Variants in HDAC4 observed in about 807,000 individuals in gnomAD.
The protein encoded by HDAC4 is histone deacetylase 4, also known as histone deacetylase A.
In HDAC4, 16 loss-of-function variants were observed where a neutral mutation model predicts 135.1. The ratio of observed to expected loss-of-function variants is 0.12; its 90% confidence interval spans 0.08 to 0.18. HDAC4 has a LOEUF of 0.18. HDAC4 is among the 10% of genes least tolerant of loss of function. The pLI is 1.00. For synonymous variants in HDAC4, 685 were observed against 653.4 expected (o/e 1.05, Z -0.74); for missense variants, 1,143 against 1,511.8 (o/e 0.76, Z 4.05).
rs557763275 is a variant in HDAC4 at position 239,388,697 on chromosome 2, C to T, written c.-220+12281G>A. ...CCCCTTGGGGTCACTGGGCTGCAGCCGCAGGGACTCTGCCACACAGGCTCC... is the reference window on the plus strand; with the variant it reads ...CCCCTTGGGGTCACTGGGCTGCAGCTGCAGGGACTCTGCCACACAGGCTCC... On this transcript the variant is annotated intron_variant, in intron 1 of 26. Coordinates refer to ENST00000543185, the MANE Select transcript of HDAC4 (RefSeq NM_001378414.1). Among the ~76,000 whole-genome samples the T allele has an allele frequency of 3.3e-5, 5 of 152,330 alleles. No individual in the cohort carries two copies. In the South Asian group the frequency reaches 1.0e-3, roughly 32 times the overall value.
rs142637322 is a variant in HDAC4, at chr2:239,109,957, C to T, written c.1978+1569G>A. ...GCTGGAGCGTAGAGAGATGGAGAAGCGGCAAAGCCCACACAGCTGAGGGTG... is the reference window on the plus strand; with the variant it reads ...GCTGGAGCGTAGAGAGATGGAGAAGTGGCAAAGCCCACACAGCTGAGGGTG... On this transcript the variant is annotated intron_variant, in intron 14 of 26. Transcript: ENST00000543185. Among the ~76,000 whole-genome samples, 106 of 152,300 alleles carry T rather than the reference C, an allele frequency of 7.0e-4. No homozygotes were observed. In the East Asian group the frequency reaches 0.018, roughly 25 times the overall value.
At chr2:239,255,610 G>A (rs1006829765) in intron 2 of HDAC4, among the ~76,000 whole-genome samples, 1 of 152,102 alleles carries the variant, frequency 6.6e-6, no homozygotes, top group African/African-American at 2.4e-5. Flanking sequence ...CACTTGACAC[G>A]CCAACATGCC....
chr2:239,112,411 C>A (rs939111431), intron 13 of HDAC4, among the ~76,000 whole-genome samples: 3 of 152,224 alleles, frequency 2.0e-5, no homozygotes, highest in Non-Finnish European at 4.4e-5. Flanking sequence ...CCTCCCTGGT[C>A]TCACATCCCA....
In HDAC4 at chr2:239,285,571, A is replaced by C. The variant is rs1425806463; in HGVS notation, c.23-48907T>G. Among the ~76,000 whole-genome samples the C allele has an allele frequency of 6.6e-6, 1 of 152,154 alleles. No individual in the cohort carries two copies. Among genetic ancestry groups the C allele is most frequent in the Non-Finnish European group, 1.5e-5 (1 of 68,024 alleles). On this transcript the variant is annotated intron_variant, in intron 2 of 26. Transcript: ENST00000543185. The surrounding 1 kb of genome is among the most constrained non-coding windows in gnomAD (Gnocchi z 4.5). ...AAGGGGCTGAGAGAAAGCTGGCCAAAGGTTGGGCTTTTGAAGTACTAGAAA... is the reference window on the plus strand; with the variant it reads ...AAGGGGCTGAGAGAAAGCTGGCCAACGGTTGGGCTTTTGAAGTACTAGAAA...
chr2:239,125,884 G>A (rs901417135), intron 12 of HDAC4, among the ~76,000 whole-genome samples: 1 of 152,216 alleles, frequency 6.6e-6, no homozygotes, highest in Admixed American at 6.5e-5. Flanking sequence ...GTGTCCCTTC[G>A]ACTTCCTGCT....
Position 239,076,500 on chromosome 2 carries a change from A to G in HDAC4, c.2750+4595T>C, listed in dbSNP as rs1461949941. 2.0e-5 allele frequency among the ~76,000 whole-genome samples: 3 copies of G among 151,942 alleles called. No homozygotes were observed. The East Asian group carries it at 5.8e-4, about 29-fold the overall frequency. The stretch of plus-strand genomic sequence containing the variant: ...AAATGACCTTCCAGTTCATTCCCCT[A>G]GTAGGACCCTAAACAAAACTCACCA... On this transcript the variant is annotated intron_variant, in intron 22 of 26. Transcript: ENST00000543185.
At position 239,306,014 on chromosome 2, in the gene HDAC4, C is replaced by T. The variant is rs146583845; in HGVS notation, c.22+46664G>A. Among the ~76,000 whole-genome samples the T allele has an allele frequency of 6.6e-5, 10 of 152,284 alleles. No homozygotes were observed. Among genetic ancestry groups the T allele is most frequent in the Admixed American group, 4.6e-4 (7 of 15,302 alleles). ...AAGCACAGTGTCTGCGTCTCCCCCACGCTGAAATGATTCCTAGTGTCCTAG... is the reference window on the plus strand; with the variant it reads ...AAGCACAGTGTCTGCGTCTCCCCCATGCTGAAATGATTCCTAGTGTCCTAG... On this transcript the variant is annotated intron_variant, in intron 2 of 26. Coordinates refer to ENST00000543185, the MANE Select transcript of HDAC4 (RefSeq NM_001378414.1). The surrounding 1 kb of genome is among the most constrained non-coding windows in gnomAD (Gnocchi z 4.5).
intron 1 of HDAC4, among the ~76,000 whole-genome samples, chr2:239,359,096 G>A (rs1169515563): frequency 6.6e-6 from 1 of 152,044 alleles, no homozygotes; most frequent in Non-Finnish European, 1.5e-5. Context: ...ATTGATATTT[G>A]CAATTTAAGA....
intron 9 of HDAC4, among the ~76,000 whole-genome samples, chr2:239,135,395 G>A (rs1361628531): frequency 6.6e-6 from 1 of 152,214 alleles, no homozygotes; most frequent in East Asian, 1.9e-4. Flanking sequence ...AGCACGCGGT[G>A]AGGACCAGTG....
At chr2:239,107,409 G>T (rs2038251087) in intron 15 of HDAC4, among the ~76,000 whole-genome samples, 1 of 152,196 alleles carries the variant, frequency 6.6e-6, no homozygotes, top group South Asian at 2.1e-4. Flanking sequence ...GGCACAGCCA[G>T]AGCTGCAGCA....
At chr2:239,059,497 G>A (rs999980006) in intron 24 of HDAC4, among the ~76,000 whole-genome samples, 1 of 152,176 alleles carries the variant, frequency 6.6e-6, no homozygotes, top group Non-Finnish European at 1.5e-5. Flanking sequence ...GAGCAGAGAC[G>A]TGAAAGGCAG....
intron 3 of HDAC4, among the ~76,000 whole-genome samples, chr2:239,226,057 C>G (rs1408690541): frequency 2.6e-5 from 4 of 152,174 alleles, no homozygotes; most frequent in Non-Finnish European, 5.9e-5. Context: ...AAAGAGCCAT[C>G]TCCCTCGTCC....
chr2:239,246,233 C>A (rs2048450916), intron 2 of HDAC4, among the ~76,000 whole-genome samples: 1 of 152,090 alleles, frequency 6.6e-6, no homozygotes. Flanking sequence ...CAGGAGTGAG[C>A]CACGGGGGAA....
intron 1 of HDAC4, among the ~76,000 whole-genome samples, chr2:239,387,153 CA>C (rs1695871129): frequency 6.6e-6 from 1 of 152,248 alleles, no homozygotes. Flanking sequence ...GGAGGAAGAA[CA>C]CTCACTAGGG....
In HDAC4 at chr2:239,224,891, G is replaced by A. The variant is rs76967409; in HGVS notation, c.94+11702C>T. ...GTAGGTAATTTACAATCAATAAGCTGGAATTAATGAGCATATTTAGAATCC... is the reference window on the plus strand; with the variant it reads ...GTAGGTAATTTACAATCAATAAGCTAGAATTAATGAGCATATTTAGAATCC... On this transcript the variant is annotated intron_variant, in intron 3 of 26. Transcript: ENST00000543185. Among the ~76,000 whole-genome samples the A allele has an allele frequency of 6.2e-3, 944 of 152,226 alleles. 20 individuals are homozygous for A. In the East Asian group the frequency reaches 0.085, roughly 14 times the overall value.
rs1052147512 is a variant in HDAC4 at position 239,065,856 on chromosome 2, G to A, written c.3003+866C>T. Among the ~76,000 whole-genome samples the A allele has an allele frequency of 5.9e-5, 9 of 152,372 alleles. No homozygotes were observed. In the South Asian group the frequency reaches 1.4e-3, roughly 25 times the overall value. On this transcript the variant is annotated intron_variant, in intron 24 of 26. Transcript: ENST00000543185. ...CAGAGCTCTGCGTGGGGAAGCCACCGACTGAGTCGTGTCTTGGGGATCTGG... is the reference window on the plus strand; with the variant it reads ...CAGAGCTCTGCGTGGGGAAGCCACCAACTGAGTCGTGTCTTGGGGATCTGG...
chr2:239,134,500 C>A (rs1186021998), intron 10 of HDAC4, 27 bp downstream of exon 10: 2 of 1,613,242 alleles, frequency 1.2e-6, no homozygotes, highest in Non-Finnish European at 1.7e-6. Context: ...CACCCCACAC[C>A]ACACGGACCC....
intron 1 of HDAC4, among the ~76,000 whole-genome samples, chr2:239,368,980 G>T (rs1259499800): frequency 2.0e-5 from 3 of 152,138 alleles, no homozygotes; most frequent in African/African-American, 7.2e-5. Flanking sequence ...TCACCTGGGG[G>T]GAGGTGAATG....
intron 3 of HDAC4, among the ~76,000 whole-genome samples, chr2:239,227,321 T>C (rs753803268): frequency 6.6e-6 from 1 of 152,096 alleles, no homozygotes; most frequent in South Asian, 2.1e-4. Flanking sequence ...GCTGGCCAGC[T>C]ACACGTGAGG....
Sources: gnomAD v4.1 joint callset for allele counts (sites outside exome capture counted in the v4.1 genomes callset) on GRCh38, gnomAD v4.1.1 for gene constraint, Gnocchi (gnomAD v3.1) non-coding constraint, MANE v1.5 for transcripts, NCBI Gene and HGNC (gene_info 2026-07-23, HGNC 2026-07-21) for gene names.